The following VPS13B variants were observed in gnomAD, a reference collection of about 807,000 sequenced individuals.
VPS13B encodes the protein vacuolar protein sorting 13 homolog B.
A neutral mutation model predicts 426.4 loss-of-function variants in VPS13B; 285 were observed. That is an observed-to-expected ratio of 0.67 (90% CI 0.61 to 0.74). VPS13B has a LOEUF of 0.74. VPS13B is among the 30% of genes least tolerant of loss of function. The pLI is 0.00. For synonymous variants in VPS13B, 1,676 were observed against 1,676.4 expected (o/e 1.00, Z 0.01); for missense variants, 4,537 against 4,782.6 (o/e 0.95, Z 1.51).
rs529932207 is a variant in VPS13B at position 99,870,827 on chromosome 8, G to A, written c.11435G>A (p.Arg3812His). The change falls in exon 60 of 62, where the codon CGC becomes CAC. Residue 3812 changes from arginine to histidine, a missense_variant. This residue lies in a region of VPS13B where 4,311 missense variants were observed against 4,474.3 expected (regional missense o/e 0.96). Coordinates refer to ENST00000357162, the MANE Select transcript of VPS13B (RefSeq NM_152564.5). The stretch of plus-strand genomic sequence containing the variant: ...GGACTTTCTCAGCTTCCCAAACAGC[G>A]CCATCAGCCAAGTGATCTACATGCT... ...GAGLSQLPKQRHQPSDLHADQ... is the reference protein window; with the variant it reads ...GAGLSQLPKQHHQPSDLHADQ... 3.7e-5 allele frequency: 59 copies of A among 1,614,102 alleles called. No individual in the cohort carries two copies. Among genetic ancestry groups the A allele is most frequent in the Admixed American group, 1.7e-4 (10 of 60,016 alleles).
At chr8:99,715,112 A>T (rs1832859891) in intron 36 of VPS13B, among the ~76,000 whole-genome samples, 1 of 150,898 alleles carries the variant, frequency 6.6e-6, no homozygotes, top group Non-Finnish European at 1.5e-5. Context: ...TTTTAAAGTG[A>T]GGGGACTTGG....
intron 23 of VPS13B, among the ~76,000 whole-genome samples, chr8:99,455,719 A>G (rs757805705): frequency 6.6e-6 from 1 of 152,150 alleles, no homozygotes; most frequent in Non-Finnish European, 1.5e-5. Flanking sequence ...CTGGAATCAT[A>G]CAATATATAG....
intron 17 of VPS13B, among the ~76,000 whole-genome samples, chr8:99,222,701 G>A (rs139524631): frequency 1.7e-4 from 26 of 152,286 alleles, no homozygotes; most frequent in South Asian, 4.1e-4. Context: ...TGAATGGACC[G>A]TATGGGTGCT....
chr8:99,412,382 G>T (rs1213089218), intron 21 of VPS13B, among the ~76,000 whole-genome samples: 4 of 152,066 alleles, frequency 2.6e-5, no homozygotes, highest in Non-Finnish European at 5.9e-5. Flanking sequence ...GTCTGTTATT[G>T]GTGTATAGGA....
chr8:99,871,421 T>G (rs1239785035), intron 60 of VPS13B, 27 bp from the exon 61 acceptor site: 2 of 1,614,028 alleles, frequency 1.2e-6, no homozygotes, highest in Non-Finnish European at 1.7e-6. Flanking sequence ...AGCTGGCCCC[T>G]GGCCTCACTT....
chr8:99,802,829 C>G (rs184387743), intron 43 of VPS13B, among the ~76,000 whole-genome samples: 2 of 152,254 alleles, frequency 1.3e-5, no homozygotes, highest in Middle Eastern at 3.4e-3. Flanking sequence ...AATAGAGGCT[C>G]TAAGTAATTT....
chr8:99,365,307 G>A (rs1305888017), intron 19 of VPS13B, among the ~76,000 whole-genome samples: 1 of 150,464 alleles, frequency 6.6e-6, no homozygotes, highest in Non-Finnish European at 1.5e-5. Flanking sequence ...TTATTCTACT[G>A]ATTTCAGATT....
intron 2 of VPS13B, among the ~76,000 whole-genome samples, chr8:99,034,404 T>C (rs1473359345): frequency 7.6e-6 from 1 of 130,882 alleles, no homozygotes; most frequent in Non-Finnish European, 1.6e-5. Context: ...AGTCAGGAGA[T>C]TATAAGTCTG....
intron 19 of VPS13B, among the ~76,000 whole-genome samples, chr8:99,373,182 G>A (rs975258591): frequency 4.6e-5 from 7 of 152,148 alleles, no homozygotes; most frequent in Non-Finnish European, 7.4e-5. Flanking sequence ...GGCAATGGGA[G>A]AGAAAGCATT....
intron 30 of VPS13B, among the ~76,000 whole-genome samples, chr8:99,532,127 C>T (rs971106995): frequency 2.6e-5 from 4 of 152,030 alleles, no homozygotes; most frequent in Admixed American, 1.3e-4. Flanking sequence ...GGTTTTTGTT[C>T]ATGCCATGAA....
intron 23 of VPS13B, among the ~76,000 whole-genome samples, chr8:99,458,903 T>C (rs1008311755): frequency 6.6e-6 from 1 of 152,198 alleles, no homozygotes; most frequent in Admixed American, 6.5e-5. Flanking sequence ...TCTTTTGCAG[T>C]GCAGAAGCTC....
At chr8:99,184,126 G>T (rs1052800265) in intron 16 of VPS13B, among the ~76,000 whole-genome samples, 10 of 152,118 alleles carry the variant, frequency 6.6e-5, no homozygotes, top group Admixed American at 3.3e-4. Context: ...CCATTCACCA[G>T]CTGATAGACA....
intron 48 of VPS13B, 110 bp downstream of exon 48, chr8:99,819,692 CTTACCTTTTA>C (rs903391827): frequency 7.6e-7 from 1 of 1,323,284 alleles, no homozygotes; most frequent in African/African-American, 1.5e-5. Context: ...CTGTCAGATT[CTTACCTTTTA>C]TCATCTAGTA....
intron 17 of VPS13B, among the ~76,000 whole-genome samples, chr8:99,267,698 G>A (rs557212412): frequency 6.6e-6 from 1 of 151,212 alleles, no homozygotes; most frequent in African/African-American, 2.4e-5. Context: ...CTGCACTCCA[G>A]CCTGGCGACA....
At chr8:99,206,740 T>C (rs1055392422) in intron 17 of VPS13B, among the ~76,000 whole-genome samples, 5 of 152,314 alleles carry the variant, frequency 3.3e-5, no homozygotes, top group African/African-American at 1.2e-4. Flanking sequence ...GGTGTGCATA[T>C]AAAAAGGATT....
At chr8:99,668,963 T>G (rs1490161563) in intron 35 of VPS13B, among the ~76,000 whole-genome samples, 1 of 152,126 alleles carries the variant, frequency 6.6e-6, no homozygotes, top group Non-Finnish European at 1.5e-5. Context: ...GAAGCCATAA[T>G]AAATCCATTC....
chr8:99,120,951 A>G (rs979502146), intron 7 of VPS13B, among the ~76,000 whole-genome samples: 1 of 152,226 alleles, frequency 6.6e-6, no homozygotes, highest in Non-Finnish European at 1.5e-5. Flanking sequence ...TACTTTCCAC[A>G]TCACATTAAC....
At position 99,871,452 on chromosome 8, in the gene VPS13B, AT is replaced by A. The variant is rs1394681818; in HGVS notation, c.11501del (p.Met3834SerfsTer19). ...PNSHVKYVWK[M>X]LQSLGRPEVH... The stretch of plus-strand genomic sequence containing the variant: ...CACTTTTCTCCTTTTAAACAGGAAA[AT>A]GCTTCAGTCTCTGGGCAGACCAGAA... On this transcript the variant is annotated frameshift_variant, in exon 61 of 62. Transcript: ENST00000357162. LOFTEE classifies it high-confidence loss of function. 6.2e-7 allele frequency: 1 copy of A among 1,614,022 alleles called. No homozygotes were observed. Among genetic ancestry groups the A allele is most frequent in the Non-Finnish European group, 8.5e-7 (1 of 1,180,036 alleles).
chr8:99,636,410 C>G (rs181189374), intron 33 of VPS13B, among the ~76,000 whole-genome samples: 43 of 151,978 alleles, frequency 2.8e-4, no homozygotes, highest in African/African-American at 9.9e-4. Flanking sequence ...GAACTAAATT[C>G]CCTTTTGTTT....
Sources: allele counts gnomAD v4.1 joint callset (sites outside exome capture counted in the v4.1 genomes callset), GRCh38; gene constraint gnomAD v4.1.1; regional missense constraint gnomAD v4.1.1; transcripts MANE v1.5; gene names NCBI Gene and HGNC (gene_info 2026-07-23, HGNC 2026-07-21).